HEXB: variants seen among roughly 807,000 people sequenced by gnomAD.
HEXB encodes the protein hexosaminidase subunit beta.
Under a neutral mutation model 71.2 loss-of-function variants are expected in HEXB, and 51 were observed. The observed-to-expected ratio is 0.72, with a 90% CI of 0.57 to 0.90. HEXB has a LOEUF of 0.90. Among genes scored for constraint, HEXB ranks in the 40% least tolerant of loss-of-function variants. The probability of loss-of-function intolerance (pLI) is 0.00; values close to 1 mark genes in which losing one functional copy is unlikely to be tolerated. For synonymous variants in HEXB, 266 were observed against 249.3 expected (o/e 1.07, Z -0.63); for missense variants, 617 against 677.0 (o/e 0.91, Z 0.98).
intron 6 of HEXB, 44 bp downstream of exon 6, chr5:74,705,364 T>G (rs754298049): frequency 9.9e-7 from 1 of 1,005,530 alleles, no homozygotes; most frequent in Non-Finnish European, 1.6e-6. Context: ...ACATTGGGTA[T>G]AGTTTCATTA....
At position 74,693,695 on chromosome 5, in the gene HEXB, G is replaced by T; in HGVS notation, c.502G>T (p.Ala168Ser). Residue 168 changes from alanine (A) to serine (S), a missense_variant, in exon 3 of 14, where the codon GCA (alanine) becomes TCA (serine). Physicochemically the swap from Ala to Ser is moderately conservative, Grantham distance 99. Coordinates refer to ENST00000261416, the MANE Select transcript of HEXB (RefSeq NM_000521.4). ...AVLKANRVWG[A>S]LRGLETFSQL... ...CCTTAAGGCCAACAGAGTTTGGGGA[G>T]CATTACGAGGTAAGTTCCATGCAGT... 6.2e-7 allele frequency: 1 copy of T among 1,610,890 alleles called. No individual in the cohort carries two copies. Among genetic ancestry groups the T allele is most frequent in the Non-Finnish European group, 8.5e-7 (1 of 1,177,060 alleles).
chr5:74,720,334 C>G, intron 11 of HEXB, 94 bp from the exon 12 acceptor site: 1 of 963,666 alleles, frequency 1.0e-6, no homozygotes, highest in Non-Finnish European at 1.7e-6. Flanking sequence ...AAATGTTGCC[C>G]TAGGATAAAG....
At chr5:74,700,412 CT>C (rs990019812) in intron 5 of HEXB, among the ~76,000 whole-genome samples, 1 of 151,674 alleles carries the variant, frequency 6.6e-6, no homozygotes, top group African/African-American at 2.4e-5. Flanking sequence ...GCCACTGATA[CT>C]TTTATATTTG....
intron 6 of HEXB, among the ~76,000 whole-genome samples, chr5:74,706,791 G>C (rs6870965): frequency 6.6e-6 from 1 of 151,602 alleles, no homozygotes; most frequent in Non-Finnish European, 1.5e-5. Flanking sequence ...CAGAGCAGCC[G>C]GGAAGCTCCA....
At chr5:74,655,312 CTT>C (rs386404134) in intron 1 of HEXB, among the ~76,000 whole-genome samples, 1,974 of 125,056 alleles carry the variant, frequency 0.016, 28 homozygotes, top group African/African-American at 0.055. Context: ...AAGCATTAAA[CTT>C]TTTTTTTTTT....
At chr5:74,653,735 C>T (rs59854202) in intron 1 of HEXB, among the ~76,000 whole-genome samples, 43,949 of 152,002 alleles carry the variant, frequency 0.29, 7,029 homozygotes, top group African/African-American at 0.4. Flanking sequence ...ATCCTTCTGT[C>T]AAAATCAGTG....
chr5:74,696,978 A>G lies in HEXB; in HGVS notation c.559-18A>G, dbSNP rs374665376. The G allele has an allele frequency of 9.7e-6, 13 of 1,333,538 alleles. No individual in the cohort carries two copies. In the African/African-American group the frequency reaches 1.9e-4, roughly 19 times the overall value. 82.6% of individuals were successfully genotyped at this position (1,333,538 alleles called of 1,614,324 possible). A position where few individuals can be genotyped will look rare whatever the true frequency, so the allele number is the denominator to read the frequency against. On this transcript the variant is annotated intron_variant, in intron 4 of 13. Transcript: ENST00000261416. ...ACAGAAAATTCTAAAACTAAATCAA[A>G]ATTTTATTTTGTCATAGTTCACCAT...
chr5:74,720,337 G>T, intron 11 of HEXB, 91 bp from the exon 12 acceptor site: 1 of 980,556 alleles, frequency 1.0e-6, no homozygotes, highest in East Asian at 2.4e-5. Flanking sequence ...TGTTGCCCTA[G>T]GATAAAGATG....
At chr5:74,676,591 C>A (rs984473100) in intron 1 of HEXB, among the ~76,000 whole-genome samples, 4 of 152,100 alleles carry the variant, frequency 2.6e-5, no homozygotes, top group Non-Finnish European at 5.9e-5. Context: ...CATTGTGAAA[C>A]CCTGACTGTA....
At chr5:74,644,859 C>T in intron 1 of HEXB, among the ~76,000 whole-genome samples, 1 of 149,614 alleles carries the variant, frequency 6.7e-6, no homozygotes, top group Non-Finnish European at 1.5e-5. Flanking sequence ...ACAACCTCCC[C>T]CTCTCAGATT....
intron 1 of HEXB, among the ~76,000 whole-genome samples, chr5:74,653,636 T>C (rs937940224): frequency 8.5e-5 from 13 of 152,288 alleles, no homozygotes; most frequent in South Asian, 6.2e-4. Context: ...ATAGGAGTTG[T>C]GATGTTGATG....
intron 13 of HEXB, 53 bp downstream of exon 13, chr5:74,720,800 G>T: frequency 1.5e-6 from 2 of 1,376,640 alleles, no homozygotes; most frequent in Non-Finnish European, 2.1e-6. Context: ...TTCAGTGTTA[G>T]TTTCTTTTGC....
chr5:74,646,283 C>G (rs1748000049), intron 1 of HEXB, among the ~76,000 whole-genome samples: 1 of 152,132 alleles, frequency 6.6e-6, no homozygotes, highest in Admixed American at 6.5e-5. Context: ...CCAAGTAACT[C>G]TCCTAAATAA....
At chr5:74,694,124 A>C (rs997641737) in intron 3 of HEXB, among the ~76,000 whole-genome samples, 1 of 152,188 alleles carries the variant, frequency 6.6e-6, no homozygotes, top group Non-Finnish European at 1.5e-5. Flanking sequence ...ACACCACTGC[A>C]TTCCAGGCTG....
At chr5:74,656,644 G>A (rs950304642) in intron 1 of HEXB, among the ~76,000 whole-genome samples, 4 of 152,152 alleles carry the variant, frequency 2.6e-5, no homozygotes, top group African/African-American at 7.2e-5. Context: ...TCCCTCTTTC[G>A]CCCAGGCTGT....
upstream of HEXB, among the ~76,000 whole-genome samples, chr5:74,684,357 A>G (rs16872198): frequency 0.13 from 20,138 of 152,294 alleles, 1,698 homozygotes; most frequent in East Asian, 0.24. Context: ...CGGGACCCAC[A>G]CAGATGAGCC....
In HEXB at chr5:74,652,832, G is replaced by A. The variant is rs930224306; in HGVS notation, c.-377+12274G>A. On this transcript the variant is annotated intron_variant, in intron 1 of 13. Coordinates refer to the HEXB transcript ENST00000511181. This position sits in a 1 kb window ranked among gnomAD's most constrained non-coding sequence, Gnocchi z 5.4. ...CAGTCTTGTCTCACTGCAGTCCCAGGCCCATCCCATAAGGAGCAAGGGGGA... is the reference window on the plus strand; with the variant it reads ...CAGTCTTGTCTCACTGCAGTCCCAGACCCATCCCATAAGGAGCAAGGGGGA... 6.6e-6 allele frequency among the ~76,000 whole-genome samples: 1 copy of A among 152,064 alleles called. No homozygotes were observed. Among genetic ancestry groups the A allele is most frequent in the Non-Finnish European group, 1.5e-5 (1 of 68,010 alleles).
At chr5:74,667,714 C>T (rs1748459318) in intron 1 of HEXB, among the ~76,000 whole-genome samples, 1 of 152,134 alleles carries the variant, frequency 6.6e-6, no homozygotes, top group Non-Finnish European at 1.5e-5. Flanking sequence ...TTGTAGTCAG[C>T]CACAGATTTC....
chr5:74,663,643 G>T (rs1218481182), intron 1 of HEXB, among the ~76,000 whole-genome samples: 1 of 152,224 alleles, frequency 6.6e-6, no homozygotes, highest in East Asian at 1.9e-4. Context: ...GAACTGTTGG[G>T]AGTCAAGGGT....
Sources: allele counts gnomAD v4.1 joint callset (sites outside exome capture counted in the v4.1 genomes callset), GRCh38; gene constraint gnomAD v4.1.1; non-coding constraint Gnocchi (gnomAD v3.1); transcripts MANE v1.5; gene names NCBI Gene and HGNC (gene_info 2026-07-23, HGNC 2026-07-21).